CERT1: variants seen among roughly 807,000 people sequenced by gnomAD.
The protein encoded by CERT1 is ceramide transfer protein.
CERT1 carries 31 observed loss-of-function variants against 87.9 expected under a neutral mutation model. The observed-to-expected ratio is 0.35, with a 90% CI of 0.27 to 0.48. The LOEUF (loss-of-function observed/expected upper bound fraction) is 0.48. Among genes scored for constraint, CERT1 ranks in the 20% least tolerant of loss-of-function variants. The pLI, the probability that CERT1 is intolerant of heterozygous loss-of-function variation, is 0.99. For missense variants in CERT1, 487 were observed against 758.0 expected (o/e 0.64, Z 4.20); for synonymous variants, 289 against 250.9 (o/e 1.15, Z -1.44).
chr5:75,507,813 A>G (rs762419935), intron 1 of CERT1, among the ~76,000 whole-genome samples: 1 of 152,182 alleles, frequency 6.6e-6, no homozygotes, highest in African/African-American at 2.4e-5. Context: ...GAAAATGCCT[A>G]GCATAGTCAC....
intron 7 of CERT1, among the ~76,000 whole-genome samples, chr5:75,415,606 T>C (rs1264704857): frequency 6.6e-6 from 1 of 152,070 alleles, no homozygotes; most frequent in Non-Finnish European, 1.5e-5. Flanking sequence ...GTGGTTAGAG[T>C]ATATGACCAA....
intron 11 of CERT1, among the ~76,000 whole-genome samples, chr5:75,395,598 A>G (rs867274341): frequency 1.3e-4 from 20 of 150,212 alleles, no homozygotes; most frequent in Admixed American, 2.0e-4. Flanking sequence ...ATGGTGTCTC[A>G]GGCCTGTAAT....
downstream of CERT1, chr5:75,373,931 G>T (rs1761179141): frequency 7.6e-6 from 3 of 395,170 alleles, no homozygotes; most frequent in Non-Finnish European, 1.3e-5. Context: ...TCTCTTCTAG[G>T]AGCAAGCAAA....
chr5:75,480,271 C>T (rs1766172877), intron 2 of CERT1, among the ~76,000 whole-genome samples: 1 of 152,134 alleles, frequency 6.6e-6, no homozygotes, highest in Non-Finnish European at 1.5e-5. Flanking sequence ...GAAATGATTT[C>T]AAAATAAGTT....
At chr5:75,479,103 C>T (rs1308365837) in intron 2 of CERT1, among the ~76,000 whole-genome samples, 1 of 148,200 alleles carries the variant, frequency 6.7e-6, no homozygotes, top group African/African-American at 2.5e-5. Context: ...TTAAATGGGA[C>T]AAAAAAAAAG....
intron 3 of CERT1, among the ~76,000 whole-genome samples, chr5:75,437,768 TAAAAAAAAA>T (rs201506124): frequency 9.0e-6 from 1 of 110,684 alleles, no homozygotes; most frequent in Non-Finnish European, 1.9e-5. Context: ...TCTGTCTCAT[TAAAAAAAAA>T]AAAAAAAAAG....
chr5:75,450,794 C>T (rs910390152), intron 3 of CERT1, among the ~76,000 whole-genome samples: 6 of 152,252 alleles, frequency 3.9e-5, no homozygotes, highest in African/African-American at 1.2e-4. Context: ...TGTAAGCTTC[C>T]CACCCCTTCC....
At chr5:75,383,478 T>G (rs1761666121) in intron 14 of CERT1, among the ~76,000 whole-genome samples, 1 of 152,100 alleles carries the variant, frequency 6.6e-6, no homozygotes, top group African/African-American at 2.4e-5. Context: ...TCATTCCAAA[T>G]TATAGGGTGA....
intron 14 of CERT1, among the ~76,000 whole-genome samples, chr5:75,383,173 T>C (rs1232556098): frequency 1.3e-5 from 2 of 152,016 alleles, no homozygotes; most frequent in Non-Finnish European, 2.9e-5. Context: ...TCAGATATAG[T>C]GTGAGTGGTA....
Position 75,389,675 on chromosome 5 carries a change from C to T in CERT1, c.1201G>A (p.Val401Met), listed in dbSNP as rs114564914. The T allele has an allele frequency of 1.9e-6, 3 of 1,613,708 alleles. No homozygotes were observed. Among genetic ancestry groups the T allele is most frequent in the Non-Finnish European group, 2.5e-6 (3 of 1,179,770 alleles). The stretch of plus-strand genomic sequence containing the variant: ...AATGAGTAAGTCATGTGGTTCTGCA[C>T]CATCTCTTCAACCTTGAGAAGGGAG... Reference protein sequence around the residue: ...HRFSSQVEEMVQNHMTYSLQD... With the variant: ...HRFSSQVEEMMQNHMTYSLQD... Residue 401 changes from valine to methionine, a missense_variant, in exon 12 of 17, where the codon GTG becomes ATG. By Grantham distance (21) the Val-to-Met change is conservative. Transcript: ENST00000643780.
intron 3 of CERT1, among the ~76,000 whole-genome samples, chr5:75,426,860 GTGACGGT>G (rs1382631291): frequency 1.3e-5 from 2 of 152,210 alleles, no homozygotes; most frequent in Non-Finnish European, 2.9e-5. Context: ...ATGGATGATG[GTGACGGT>G]TGAACAATAG....
intron 3 of CERT1, among the ~76,000 whole-genome samples, chr5:75,447,776 C>CA (rs1047943392): frequency 6.2e-5 from 9 of 145,694 alleles, no homozygotes; most frequent in African/African-American, 2.3e-4. Context: ...ACCCGGCCTC[C>CA]TTTTTTTTTT....
Position 75,437,193 on chromosome 5 carries a change from A to G in CERT1, c.349-10715T>C, listed in dbSNP as rs149854799. ...TGATTTTTTAAAATGATCTTAAAAC[A>G]AAATATAAACATTAAACACTTTACT... On this transcript the variant is annotated intron_variant, in intron 3 of 16. Coordinates refer to ENST00000643780, the MANE Select transcript of CERT1 (RefSeq NM_001379029.1). Among the ~76,000 whole-genome samples, 875 of 152,358 alleles carry G rather than the reference A, an allele frequency of 5.7e-3. 4 individuals carry two copies. The highest frequency in any genetic ancestry group is 0.02 in the African/African-American group (823 of 41,582).
chr5:75,396,955 A>G (rs1348004030), intron 11 of CERT1, among the ~76,000 whole-genome samples: 1 of 152,074 alleles, frequency 6.6e-6, no homozygotes, highest in African/African-American at 2.4e-5. Flanking sequence ...TTCTCAACTA[A>G]TATTAACTCC....
chr5:75,511,250 A>C lies in CERT1; in HGVS notation c.-43T>G. 1 of 1,605,342 alleles carries C rather than the reference A, an allele frequency of 6.2e-7. No homozygotes were observed. Among genetic ancestry groups the C allele is most frequent in the Non-Finnish European group, 8.5e-7 (1 of 1,176,116 alleles). On this transcript the variant is annotated 5_prime_UTR_variant, in exon 1 of 17. Coordinates refer to ENST00000643780, the MANE Select transcript of CERT1 (RefSeq NM_001379029.1). ...GCAGGAGACCGGCCCCCGCTCCCTC[A>C]GCTGCGCCGGAGGAGGCGCCCAGTC... is the stretch of plus-strand genomic sequence containing the variant.
At chr5:75,478,670 T>C (rs754344707) in intron 2 of CERT1, among the ~76,000 whole-genome samples, 3 of 151,902 alleles carry the variant, frequency 2.0e-5, no homozygotes, top group Non-Finnish European at 2.9e-5. Context: ...TTTGGATATG[T>C]TGAATTGAAA....
intron 3 of CERT1, among the ~76,000 whole-genome samples, chr5:75,449,867 C>T (rs1764706184): frequency 6.6e-6 from 1 of 152,090 alleles, no homozygotes; most frequent in Admixed American, 6.5e-5. Flanking sequence ...TCTGGCTTTT[C>T]CCCCCTTAAA....
intron 2 of CERT1, among the ~76,000 whole-genome samples, chr5:75,472,623 TCAG>T (rs1415994719): frequency 6.6e-6 from 1 of 152,096 alleles, no homozygotes; most frequent in Non-Finnish European, 1.5e-5. Context: ...CAAACATTTC[TCAG>T]AAGAAAACAT....
chr5:75,480,147 A>G (rs1252145268), intron 2 of CERT1, among the ~76,000 whole-genome samples: 1 of 152,318 alleles, frequency 6.6e-6, no homozygotes, highest in East Asian at 1.9e-4. Context: ...ATGAGGGACC[A>G]CTATCTATGT....
Sources: gnomAD v4.1 joint callset for allele counts (sites outside exome capture counted in the v4.1 genomes callset) on GRCh38, gnomAD v4.1.1 for gene constraint, MANE v1.5 for transcripts, NCBI Gene and HGNC (gene_info 2026-07-23, HGNC 2026-07-21) for gene names.